Variants in SMIM21 observed in about 807,000 individuals in gnomAD.
SMIM21 encodes the protein chromosome 18 open reading frame 62.
In SMIM21, 8 loss-of-function variants were observed where a neutral mutation model predicts 8.6. The ratio of observed to expected loss-of-function variants is 0.93; its 90% CI spans 0.55 to 1.68. SMIM21 has a LOEUF of 1.68. Ranked by LOEUF, SMIM21 falls within the 40% of genes most tolerant of loss-of-function variation. The pLI is 0.00. For missense variants in SMIM21, 132 were observed against 123.0 expected (o/e 1.07, Z -0.35); for synonymous variants, 43 against 41.7 (o/e 1.03, Z -0.12).
chr18:75,419,897 T>G (rs2024691174), intron 1 of SMIM21, among the ~76,000 whole-genome samples: 1 of 152,194 alleles, frequency 6.6e-6, no homozygotes, highest in Non-Finnish European at 1.5e-5. Context: ...TCTTTCGTGT[T>G]ATGAGGGGGC....
At chr18:75,418,718 G>T in intron 2 of SMIM21, 68 bp downstream of exon 2, 2 of 1,441,650 alleles carry the variant, frequency 1.4e-6, no homozygotes, top group Non-Finnish European at 1.9e-6. Context: ...AACTGCTAAG[G>T]TTATCGTTTA....
At chr18:75,427,398 T>C in intron 1 of SMIM21, 37 bp downstream of exon 1, 1 of 1,603,590 alleles carries the variant, frequency 6.2e-7, no homozygotes, top group Non-Finnish European at 8.5e-7. Context: ...GTGATACGTC[T>C]CTCTCATAAC....
chr18:75,424,789 G>A lies in SMIM21; in HGVS notation c.129+2646C>T, dbSNP rs7227866. ...TTCTTATTTAAAATGTCTCACTAAT[G>A]TGACACTGTGTGTCTTCTCATTCCC... On this transcript the variant is annotated intron_variant, in intron 1 of 2. Coordinates refer to ENST00000579022, the MANE Select transcript of SMIM21 (RefSeq NM_001037331.3). 1.2e-3 allele frequency among the ~76,000 whole-genome samples: 188 copies of A among 152,312 alleles called. 1 individual carries two copies. The highest frequency in any genetic ancestry group is 4.3e-3 in the African/African-American group (179 of 41,582).
intron 1 of SMIM21, among the ~76,000 whole-genome samples, chr18:75,420,800 C>G (rs2024699991): frequency 6.6e-6 from 1 of 152,172 alleles, no homozygotes. Flanking sequence ...ATATTGGGAG[C>G]TTTCCTGGGC....
intron 1 of SMIM21, among the ~76,000 whole-genome samples, chr18:75,426,291 ATTTGTTTGTTTG>A (rs199926696): frequency 1.3e-4 from 14 of 111,810 alleles, no homozygotes; most frequent in African/African-American, 2.8e-4. Context: ...TTATTTATTT[ATTTGTTTGTTTG>A]TTTGTTTGTT....
chr18:75,410,774 C>T lies in SMIM21; in HGVS notation c.*90G>A, dbSNP rs2024574906. On this transcript the variant is annotated 3_prime_UTR_variant, in exon 3 of 3. Coordinates refer to ENST00000579022, the MANE Select transcript of SMIM21 (RefSeq NM_001037331.3). Reference sequence around the variant, plus strand: ...AAAAGTGAGCAATAATCTGCTATCTCTAAGCAATCTGATTTCCTCTTAATT... The same window carrying T: ...AAAAGTGAGCAATAATCTGCTATCTTTAAGCAATCTGATTTCCTCTTAATT... The T allele has an allele frequency of 6.3e-7, 1 of 1,592,312 alleles. No homozygotes were observed. The highest frequency in any genetic ancestry group is 1.3e-5 in the African/African-American group (1 of 74,100).
chr18:75,427,402 T>C (rs1468172004), intron 1 of SMIM21, 33 bp downstream of exon 1: 1 of 1,606,542 alleles, frequency 6.2e-7, no homozygotes, highest in African/African-American at 1.3e-5. Context: ...TACGTCTCTC[T>C]CATAACCCAA....
At chr18:75,427,010 A>G (rs1747780453) in intron 1 of SMIM21, among the ~76,000 whole-genome samples, 1 of 152,196 alleles carries the variant, frequency 6.6e-6, no homozygotes, top group African/African-American at 2.4e-5. Context: ...GAAGGAAAAG[A>G]AACTTTCTTC....
At chr18:75,410,948 T>C (rs2024577602) in intron 2 of SMIM21, 39 bp from the exon 3 acceptor site, 2 of 1,608,484 alleles carry the variant, frequency 1.2e-6, no homozygotes. Context: ...TTTTATTTTT[T>C]TGATAGATAT....
rs200015411 is a variant in SMIM21 at position 75,427,578 on chromosome 18, G to A, written c.-15C>T. The A allele has an allele frequency of 3.0e-5, 48 of 1,585,104 alleles. No individual in the cohort carries two copies. The highest frequency in any genetic ancestry group is 1.6e-4 in the East Asian group (7 of 44,520). ...TACTGGTCCATGTGGGGGCTGCGGCGGTGACCAGTGAGAGGTCTCCTTGAT... is the reference window on the plus strand; with the variant it reads ...TACTGGTCCATGTGGGGGCTGCGGCAGTGACCAGTGAGAGGTCTCCTTGAT... On this transcript the variant is annotated 5_prime_UTR_variant, in exon 1 of 3. Coordinates refer to ENST00000579022, the MANE Select transcript of SMIM21 (RefSeq NM_001037331.3).
In SMIM21 at chr18:75,422,324, T is replaced by G. The variant is rs142673967; in HGVS notation, c.130-3408A>C. Among the ~76,000 whole-genome samples the G allele has an allele frequency of 5.3e-3, 811 of 152,136 alleles. 10 individuals carry two copies. The highest frequency in any genetic ancestry group is 0.017 in the African/African-American group (717 of 41,522). ...GTCACTGAACGTCTTTCGCAGGGCT[T>G]TGCATCAACTGAACATTTAACCCCC... is the stretch of plus-strand genomic sequence containing the variant. On this transcript the variant is annotated intron_variant, in intron 1 of 2. Transcript: ENST00000579022.
intron 2 of SMIM21, among the ~76,000 whole-genome samples, chr18:75,414,256 A>G (rs1451435973): frequency 1.3e-5 from 2 of 152,174 alleles, no homozygotes. Context: ...TTTGTCCCCA[A>G]GGAAATGTAA....
Position 75,409,957 on chromosome 18 carries a change from ACT to A in SMIM21, c.*905_*906del, listed in dbSNP as rs1435482457. ...TAGAGCAGGGCTCACCTCGTCAAGG[ACT>A]TTGCAGCCGCCTTAACTTTGAGTCT... On this transcript the variant is annotated 3_prime_UTR_variant, in exon 3 of 3. Coordinates refer to ENST00000579022, the MANE Select transcript of SMIM21 (RefSeq NM_001037331.3). 1 of 152,684 alleles carries A rather than the reference ACT, an allele frequency of 6.5e-6. No individual in the cohort carries two copies. Among genetic ancestry groups the A allele is most frequent in the East Asian group, 1.9e-4 (1 of 5,196 alleles). The allele number at this position is 152,684 out of a possible 1,614,324, so 9.5% of individuals were successfully genotyped here.
intron 1 of SMIM21, among the ~76,000 whole-genome samples, chr18:75,422,374 A>G (rs1297092893): frequency 6.6e-6 from 1 of 152,092 alleles, no homozygotes; most frequent in African/African-American, 2.4e-5. Flanking sequence ...ATCAAAAGAA[A>G]CTGAGCTGGC....
chr18:75,416,641 T>G (rs964432261), intron 2 of SMIM21: 2 of 152,246 alleles, frequency 1.3e-5, no homozygotes, highest in Admixed American at 1.3e-4. Context: ...ATACATGTAT[T>G]TTTGTTGATA....
At chr18:75,421,027 C>T (rs995678947) in intron 1 of SMIM21, among the ~76,000 whole-genome samples, 4 of 152,138 alleles carry the variant, frequency 2.6e-5, no homozygotes, top group African/African-American at 4.8e-5. Flanking sequence ...GATTTCATAA[C>T]GTGTGAAGTG....
At chr18:75,413,917 G>A (rs1449436287) in intron 2 of SMIM21, among the ~76,000 whole-genome samples, 1 of 152,118 alleles carries the variant, frequency 6.6e-6, no homozygotes, top group East Asian at 1.9e-4. Flanking sequence ...ATGACATATA[G>A]GCATTCAAAT....
chr18:75,418,750 AT>A (rs33995140), intron 2 of SMIM21, 35 bp downstream of exon 2: 536,378 of 1,507,796 alleles, frequency 0.36, 106,061 homozygotes, highest in East Asian at 0.75. Flanking sequence ...AATATGTAGT[AT>A]TTTTTTTTAA....
chr18:75,420,866 T>C lies in SMIM21; in HGVS notation c.130-1950A>G, dbSNP rs2024700709. Among the ~76,000 whole-genome samples, 3 of 152,164 alleles carry C rather than the reference T, an allele frequency of 2.0e-5. No individual in the cohort carries two copies. The South Asian group carries it at 6.2e-4, about 32-fold the overall frequency. ...CCTCGGGCCCTGTCTGGAGATCCAC[T>C]GACCTGGGGATCCACAGGTATTTGT... On this transcript the variant is annotated intron_variant, in intron 1 of 2. Transcript: ENST00000579022.
Sources: allele counts gnomAD v4.1 joint callset (sites outside exome capture counted in the v4.1 genomes callset), GRCh38; gene constraint gnomAD v4.1.1; transcripts MANE v1.5; gene names NCBI Gene and HGNC (gene_info 2026-07-23, HGNC 2026-07-21).